The following SLIT3 variants were observed in gnomAD, a reference collection of about 807,000 sequenced individuals.
SLIT3 encodes slit homolog 3 protein.
SLIT3 carries 68 observed loss-of-function variants against 184.0 expected under a neutral mutation model. That is an observed-to-expected ratio of 0.37 (90% confidence interval 0.30 to 0.45). The LOEUF (loss-of-function observed/expected upper bound fraction) is 0.45, where lower values mean the gene tolerates loss of function less well. SLIT3 is among the 20% of genes least tolerant of loss of function. The probability of loss-of-function intolerance (pLI) is 1.00; values close to 1 mark genes in which losing one functional copy is unlikely to be tolerated. For synonymous variants in SLIT3, 831 were observed against 828.6 expected (o/e 1.00, Z -0.05); for missense variants, 1,707 against 2,026.0 (o/e 0.84, Z 3.02).
chr5:169,125,022 A>AT (rs975648168), intron 4 of SLIT3, among the ~76,000 whole-genome samples: 1 of 151,298 alleles, frequency 6.6e-6, no homozygotes, highest in African/African-American at 2.4e-5. Flanking sequence ...TTCTGTTTTT[A>AT]TTTTTTTGTT....
intron 4 of SLIT3, among the ~76,000 whole-genome samples, chr5:168,954,249 C>T (rs1352782017): frequency 6.6e-6 from 1 of 152,052 alleles, no homozygotes; most frequent in African/African-American, 2.4e-5. Context: ...CAAATGATAT[C>T]GGGCTGGAGG....
intron 33 of SLIT3, 65 bp from the exon 34 acceptor site, chr5:168,671,548 C>A (rs990023053): frequency 5.5e-5 from 83 of 1,506,838 alleles, no homozygotes; most frequent in Non-Finnish European, 7.2e-5. Context: ...GTCCTCAGAG[C>A]GAAAAAGCAC....
chr5:169,175,929 C>T (rs1762969374), intron 4 of SLIT3, among the ~76,000 whole-genome samples: 3 of 152,230 alleles, frequency 2.0e-5, no homozygotes, highest in Admixed American at 2.0e-4. Context: ...ATAAGGAAGC[C>T]ATATGGACCT....
chr5:169,119,703 AC>A (rs760830307), intron 4 of SLIT3, among the ~76,000 whole-genome samples: 3,416 of 152,270 alleles, frequency 0.022, 79 homozygotes, highest in Non-Finnish European at 0.029. Context: ...TAAACACCCA[AC>A]TGTGGCACGC....
At chr5:168,910,760 GAAA>G (rs1761226411) in intron 4 of SLIT3, among the ~76,000 whole-genome samples, 1 of 145,456 alleles carries the variant, frequency 6.9e-6, no homozygotes, top group East Asian at 2.1e-4. Context: ...AAAAAAAAAA[GAAA>G]AAAGAAGAAA....
intron 5 of SLIT3, among the ~76,000 whole-genome samples, chr5:168,849,664 A>C (rs528567421): frequency 6.6e-6 from 1 of 152,214 alleles, no homozygotes; most frequent in African/African-American, 2.4e-5. Context: ...GAAAGTTGCC[A>C]CCTCTGGTTT....
chr5:168,755,446 T>TCTCTCTCTCTCTC (rs1754904459), intron 16 of SLIT3, among the ~76,000 whole-genome samples: 1 of 115,666 alleles, frequency 8.6e-6, no homozygotes, highest in South Asian at 3.1e-4. Flanking sequence ...TCTTTCTTTC[T>TCTCTCTCTCTCTC]TTTTGAGACA....
chr5:168,700,959 A>G (rs1762196217), intron 26 of SLIT3, among the ~76,000 whole-genome samples: 1 of 152,230 alleles, frequency 6.6e-6, no homozygotes, highest in Non-Finnish European at 1.5e-5. Context: ...CCCAAACTGC[A>G]GGGCAAGAGC....
chr5:168,981,748 T>A (rs1207731674), intron 4 of SLIT3, among the ~76,000 whole-genome samples: 1 of 152,248 alleles, frequency 6.6e-6, no homozygotes, highest in African/African-American at 2.4e-5. Flanking sequence ...ATTCCTCTGA[T>A]AAATGGTTTG....
At chr5:168,903,697 T>A (rs1462535528) in intron 4 of SLIT3, among the ~76,000 whole-genome samples, 2 of 152,142 alleles carry the variant, frequency 1.3e-5, no homozygotes, top group Non-Finnish European at 2.9e-5. Flanking sequence ...GCCTTGCCCA[T>A]CTTGTTCCTT....
At chr5:169,290,262 CATATT>C (rs553493971) in intron 1 of SLIT3, among the ~76,000 whole-genome samples, 2 of 134,640 alleles carry the variant, frequency 1.5e-5, no homozygotes, top group South Asian at 4.9e-4. Flanking sequence ...TGCTGGGACA[CATATT>C]AGGGCATATG....
Position 168,802,037 on chromosome 5 carries a change from AT to A in SLIT3, c.935+4408del, listed in dbSNP as rs1756782750. ...TTAAGAGAATCACTAGTAGCTAAGGATTGAGAATAGGGAGTGGAGAGCTTAA... is the reference window on the plus strand; with the variant it reads ...TTAAGAGAATCACTAGTAGCTAAGGATGAGAATAGGGAGTGGAGAGCTTAA... On this transcript the variant is annotated intron_variant, in intron 9 of 35. Coordinates refer to ENST00000519560, the MANE Select transcript of SLIT3 (RefSeq NM_003062.4). Among the ~76,000 whole-genome samples, 3 of 152,000 alleles carry A rather than the reference AT, an allele frequency of 2.0e-5. No individual in the cohort carries two copies. In the South Asian group the frequency reaches 6.3e-4, roughly 32 times the overall value.
intron 1 of SLIT3, among the ~76,000 whole-genome samples, chr5:169,290,424 GGGGCACACACTAGGTTGCGCACTA>G (rs1767313862): frequency 9.7e-6 from 1 of 102,596 alleles, no homozygotes; most frequent in African/African-American, 3.9e-5. Context: ...GGCATACACT[GGGGCACACACTAGGTTGCGCACTA>G]GGGCACATGC....
chr5:169,072,387 C>T, intron 4 of SLIT3, among the ~76,000 whole-genome samples: 1 of 152,228 alleles, frequency 6.6e-6, no homozygotes, highest in East Asian at 1.9e-4. Context: ...TAAATATCTG[C>T]TAGTCCTTCC....
At chr5:168,968,132 A>G (rs1763277680) in intron 4 of SLIT3, among the ~76,000 whole-genome samples, 1 of 152,020 alleles carries the variant, frequency 6.6e-6, no homozygotes, top group Admixed American at 6.6e-5. Context: ...TAAATATGCC[A>G]TTCCTTCTCT....
intron 1 of SLIT3, among the ~76,000 whole-genome samples, chr5:169,285,930 G>A (rs1200678166): frequency 2.0e-5 from 3 of 152,312 alleles, no homozygotes; most frequent in South Asian, 2.1e-4. Context: ...ACTGCACTAC[G>A]ACGTAGAGAA....
At chr5:168,680,112 C>T (rs1761537018) in intron 32 of SLIT3, among the ~76,000 whole-genome samples, 1 of 152,272 alleles carries the variant, frequency 6.6e-6, no homozygotes, top group Admixed American at 6.5e-5. Context: ...AGGTCAGCCA[C>T]TCCTTTGGAT....
At chr5:168,878,886 T>C (rs935549099) in intron 5 of SLIT3, among the ~76,000 whole-genome samples, 1 of 152,144 alleles carries the variant, frequency 6.6e-6, no homozygotes, top group African/African-American at 2.4e-5. Flanking sequence ...AGCTAATTTT[T>C]GTATTTTTAG....
At chr5:169,147,002 A>C (rs566066747) in intron 4 of SLIT3, among the ~76,000 whole-genome samples, 2 of 152,302 alleles carry the variant, frequency 1.3e-5, no homozygotes, top group Admixed American at 6.5e-5. Context: ...TACTTAGCCT[A>C]GTGTCTGGCT....
Sources: gnomAD v4.1 joint callset for allele counts (sites outside exome capture counted in the v4.1 genomes callset) on GRCh38, gnomAD v4.1.1 for gene constraint, MANE v1.5 for transcripts, NCBI Gene and HGNC (gene_info 2026-07-23, HGNC 2026-07-21) for gene names.